CC2D2B: variants seen among roughly 807,000 people sequenced by gnomAD.
CC2D2B encodes the protein protein CC2D2B.
A neutral mutation model predicts 161.2 loss-of-function variants in CC2D2B; 128 were observed. That is an observed-to-expected ratio of 0.79 (90% CI 0.69 to 0.92). CC2D2B has a LOEUF of 0.92. Ranked by LOEUF, CC2D2B falls within the 40% of genes least tolerant of loss-of-function variation. The pLI, the probability that CC2D2B is intolerant of heterozygous loss-of-function variation, is 0.00. For missense variants in CC2D2B, 1,173 were observed against 1,375.1 expected (o/e 0.85, Z 2.32); for synonymous variants, 391 against 449.8 (o/e 0.87, Z 1.65).
intron 2 of CC2D2B, among the ~76,000 whole-genome samples, chr10:95,913,609 A>C (rs1202234336): frequency 2.0e-5 from 3 of 152,070 alleles, no homozygotes; most frequent in Admixed American, 2.0e-4. Flanking sequence ...GCCCTTTCTC[A>C]ATGCTTTTGC....
intron 9 of CC2D2B, among the ~76,000 whole-genome samples, chr10:95,941,274 C>T (rs1417997749): frequency 3.9e-5 from 6 of 152,094 alleles, no homozygotes; most frequent in East Asian, 3.8e-4. Flanking sequence ...TTTATAACAT[C>T]GTTCTTGGCA....
chr10:95,969,012 G>A (rs2077032042), intron 15 of CC2D2B, 111 bp downstream of exon 15: 1 of 428,688 alleles, frequency 2.3e-6, no homozygotes, highest in South Asian at 1.3e-4. Context: ...TTAAGAGATG[G>A]ACTGATCTTT....
chr10:95,957,980 A>G (rs2076631137), intron 11 of CC2D2B, among the ~76,000 whole-genome samples: 2 of 152,048 alleles, frequency 1.3e-5, no homozygotes, highest in African/African-American at 4.8e-5. Flanking sequence ...CAACAACAAA[A>G]AAACACAAAG....
chr10:96,008,527 G>A (rs1290074663), intron 25 of CC2D2B, among the ~76,000 whole-genome samples: 1 of 152,010 alleles, frequency 6.6e-6, no homozygotes, highest in Non-Finnish European at 1.5e-5. Context: ...CAATAATGTA[G>A]GAGACTTCCA....
chr10:96,010,304 T>A (rs2078930788), intron 26 of CC2D2B, among the ~76,000 whole-genome samples: 1 of 152,166 alleles, frequency 6.6e-6, no homozygotes, highest in Non-Finnish European at 1.5e-5. Context: ...TTTGCACTAG[T>A]CTCTGTGAGA....
intron 30 of CC2D2B, 111 bp from the exon 31 acceptor site, chr10:96,019,092 C>A (rs530738473): frequency 1.2e-6 from 1 of 855,154 alleles, no homozygotes; most frequent in Non-Finnish European, 1.8e-6. Context: ...CAGGTATAAG[C>A]CACCACACTC....
At chr10:95,909,034 G>A (rs1467361899) in intron 1 of CC2D2B, among the ~76,000 whole-genome samples, 1 of 151,652 alleles carries the variant, frequency 6.6e-6, no homozygotes, top group Non-Finnish European at 1.5e-5. Context: ...GATGACTTGG[G>A]AACTGGTCCT....
At chr10:96,007,988 T>G (rs1295755046) in intron 25 of CC2D2B, among the ~76,000 whole-genome samples, 2 of 152,116 alleles carry the variant, frequency 1.3e-5, no homozygotes, top group African/African-American at 4.8e-5. Flanking sequence ...TTTTGATATA[T>G]GTATATACCA....
chr10:95,982,516 T>C (rs1366127621), intron 18 of CC2D2B, among the ~76,000 whole-genome samples: 1 of 152,222 alleles, frequency 6.6e-6, no homozygotes, highest in Non-Finnish European at 1.5e-5. Flanking sequence ...TATAGCCAAC[T>C]GAACTGCTCT....
At chr10:96,017,096 A>T (rs889159849) in intron 30 of CC2D2B, among the ~76,000 whole-genome samples, 3 of 152,220 alleles carry the variant, frequency 2.0e-5, no homozygotes, top group African/African-American at 7.2e-5. Flanking sequence ...TGAGGTTTTA[A>T]TCTTATAAGA....
intron 14 of CC2D2B, 103 bp downstream of exon 14, chr10:95,966,405 C>T (rs951725597): frequency 2.5e-6 from 1 of 393,306 alleles, no homozygotes; most frequent in African/African-American, 2.1e-5. Context: ...ATATGCCAGG[C>T]ACTCTAAGTT....
chr10:95,926,002 A>C (rs1481092635), intron 5 of CC2D2B, among the ~76,000 whole-genome samples: 3 of 152,182 alleles, frequency 2.0e-5, no homozygotes, highest in Non-Finnish European at 4.4e-5. Flanking sequence ...CAAATTTTAA[A>C]ATGCAAGGTT....
Position 96,012,251 on chromosome 10 carries a change from G to A in CC2D2B, c.3112G>A (p.Val1038Ile). The A allele has an allele frequency of 1.4e-6, 1 of 711,316 alleles. No homozygotes were observed. Among genetic ancestry groups the A allele is most frequent in the South Asian group, 1.5e-5 (1 of 65,546 alleles). 44.1% of individuals were successfully genotyped at this position (711,316 alleles called of 1,614,324 possible). A position where few individuals can be genotyped will look rare whatever the true frequency, so the allele number is the denominator to read the frequency against. The change falls in exon 27 of 35, where the codon GTA becomes ATA. Residue 1038 changes from valine (V) to isoleucine (I), a missense_variant. Around this residue, in one of 3 missense-constraint regions of CC2D2B, gnomAD observed 598 missense variants for 693.2 expected, o/e 0.86. Transcript: ENST00000646931. ...CGGGTATACTTGGAGTAATACTTAT[G>A]TATTTCCTAAAGAAGATTCCAATGA... is the stretch of plus-strand genomic sequence containing the variant. ...LLGYTWSNTYVFPKEDSNEQN... is the reference protein window; with the variant it reads ...LLGYTWSNTYIFPKEDSNEQN...
intron 32 of CC2D2B, among the ~76,000 whole-genome samples, chr10:96,024,302 G>A (rs549823814): frequency 6.6e-6 from 1 of 152,252 alleles, no homozygotes; most frequent in Admixed American, 6.5e-5. Flanking sequence ...CATACACAAA[G>A]AACTGGCTTC....
chr10:95,937,930 T>C, intron 6 of CC2D2B, 61 bp from the exon 7 acceptor site: 1 of 991,680 alleles, frequency 1.0e-6, no homozygotes, highest in Non-Finnish European at 1.5e-6. Flanking sequence ...ATTTCATTTA[T>C]TTGCATATTA....
chr10:95,918,499 A>C (rs1034406133), intron 2 of CC2D2B, among the ~76,000 whole-genome samples: 3 of 152,196 alleles, frequency 2.0e-5, no homozygotes, highest in African/African-American at 7.2e-5. Context: ...TGGAGTTCCA[A>C]TTTATGTTAT....
At chr10:95,929,573 T>C (rs2098545972) in intron 6 of CC2D2B, among the ~76,000 whole-genome samples, 1 of 152,204 alleles carries the variant, frequency 6.6e-6, no homozygotes, top group Non-Finnish European at 1.5e-5. Context: ...AATTTTTGTA[T>C]AAGGTGTAAG....
intron 14 of CC2D2B, among the ~76,000 whole-genome samples, chr10:95,967,549 A>C (rs552018848): frequency 6.6e-6 from 1 of 152,322 alleles, no homozygotes; most frequent in South Asian, 2.1e-4. Flanking sequence ...AAAAGAATAC[A>C]GAGATTAGAG....
intron 11 of CC2D2B, among the ~76,000 whole-genome samples, chr10:95,960,795 G>A (rs1338629883): frequency 6.6e-6 from 1 of 152,084 alleles, no homozygotes; most frequent in Non-Finnish European, 1.5e-5. Flanking sequence ...TTATAGGCAT[G>A]CACCACCATG....
Sources: allele counts gnomAD v4.1 joint callset (sites outside exome capture counted in the v4.1 genomes callset), GRCh38; gene constraint gnomAD v4.1.1; regional missense constraint gnomAD v4.1.1; transcripts MANE v1.5; gene names NCBI Gene and HGNC (gene_info 2026-07-23, HGNC 2026-07-21).